Variants in CHCHD6 observed in about 807,000 individuals in gnomAD.
CHCHD6 encodes MICOS complex subunit MIC25.
A neutral mutation model predicts 32.3 loss-of-function variants in CHCHD6; 28 were observed. That is an observed-to-expected ratio of 0.87 (90% CI 0.64 to 1.19). The LOEUF (loss-of-function observed/expected upper bound fraction) is 1.19. Ranked by LOEUF, CHCHD6 falls within the 50% of genes most tolerant of loss-of-function variation. The probability of loss-of-function intolerance (pLI) is 0.00; values close to 1 mark genes in which losing one functional copy is unlikely to be tolerated. For synonymous variants in CHCHD6, 122 were observed against 117.5 expected, an observed-to-expected ratio of 1.04 and a Z score of -0.25; for missense variants, 333 against 307.0, an observed-to-expected ratio of 1.08 and a Z score of -0.63.
At chr3:126,768,827 G>A (rs1937481274) in intron 4 of CHCHD6, among the ~76,000 whole-genome samples, 2 of 152,086 alleles carry the variant, frequency 1.3e-5, no homozygotes, top group Non-Finnish European at 2.9e-5. Flanking sequence ...GTGATGTTGA[G>A]CATTTTTTCA....
chr3:126,920,039 C>T (rs1027197142), intron 6 of CHCHD6, among the ~76,000 whole-genome samples: 1 of 151,612 alleles, frequency 6.6e-6, no homozygotes, highest in East Asian at 1.9e-4. Flanking sequence ...GTCTCTTGTT[C>T]TTTTTTCTGG....
At chr3:126,837,736 G>A (rs1287236210) in intron 4 of CHCHD6, among the ~76,000 whole-genome samples, 1 of 152,150 alleles carries the variant, frequency 6.6e-6, no homozygotes, top group African/African-American at 2.4e-5. Flanking sequence ...GTTTTGTCAT[G>A]ACCAAGATTA....
intron 1 of CHCHD6, among the ~76,000 whole-genome samples, chr3:126,718,848 C>T (rs183095455): frequency 3.2e-4 from 49 of 152,318 alleles, no homozygotes; most frequent in Non-Finnish European, 6.5e-4. Flanking sequence ...GGTGTTTATT[C>T]TCACATGACT....
intron 5 of CHCHD6, among the ~76,000 whole-genome samples, chr3:126,869,361 AT>A (rs2077435492): frequency 7.0e-6 from 1 of 142,510 alleles, no homozygotes; most frequent in Non-Finnish European, 1.5e-5. Flanking sequence ...GTGGATGGAC[AT>A]TATGATTATT....
intron 5 of CHCHD6, among the ~76,000 whole-genome samples, chr3:126,887,526 C>CG (rs1436667567): frequency 6.6e-6 from 1 of 152,168 alleles, no homozygotes; most frequent in Non-Finnish European, 1.5e-5. Flanking sequence ...GCTTACTCCC[C>CG]CTAGCCCTGT....
rs887480530 is a variant in CHCHD6, at chr3:126,915,400, C to T, written c.566+650C>T. On this transcript the variant is annotated intron_variant, in intron 6 of 7. Transcript: ENST00000290913. ...TGTGCCCAGTACCAGTGTGGCTCTG[C>T]TCAGTCAATAGTACAGTTCCCTGGA... Among the ~76,000 whole-genome samples, 14 of 152,208 alleles carry T rather than the reference C, an allele frequency of 9.2e-5. No homozygotes were observed. In the South Asian group the frequency reaches 2.1e-3, roughly 22 times the overall value.
intron 4 of CHCHD6, among the ~76,000 whole-genome samples, chr3:126,796,924 G>A (rs1470663554): frequency 6.6e-6 from 1 of 152,172 alleles, no homozygotes; most frequent in African/African-American, 2.4e-5. Flanking sequence ...AGGGCCAGGA[G>A]GCCCTTAGGT....
rs73209648 is a variant in CHCHD6, at chr3:126,945,709, G to A, written c.567-11707G>A. The stretch of plus-strand genomic sequence containing the variant: ...GGGGAAGACTCAAGCGGGGAGACTC[G>A]GGGAGACTCGAGTAGGGAGACATGG... On this transcript the variant is annotated intron_variant, in intron 6 of 7. Transcript: ENST00000290913. 6.3e-3 allele frequency among the ~76,000 whole-genome samples: 915 copies of A among 145,402 alleles called. 5 individuals carry two copies. Among genetic ancestry groups the A allele is most frequent in the Non-Finnish European group, 0.011 (709 of 65,796 alleles).
intron 1 of CHCHD6, among the ~76,000 whole-genome samples, chr3:126,712,322 A>G (rs1375395430): frequency 1.3e-5 from 2 of 152,236 alleles, no homozygotes; most frequent in Admixed American, 6.5e-5. Context: ...CAATCTAAGT[A>G]GTACAAGAGT....
intron 4 of CHCHD6, among the ~76,000 whole-genome samples, chr3:126,761,332 T>C (rs1256884414): frequency 6.6e-6 from 1 of 152,224 alleles, no homozygotes; most frequent in Admixed American, 6.5e-5. Context: ...CATGGCATTC[T>C]TCCCTCTGTG....
intron 1 of CHCHD6, among the ~76,000 whole-genome samples, chr3:126,707,436 C>G (rs959405989): frequency 1.3e-5 from 2 of 152,108 alleles, no homozygotes; most frequent in African/African-American, 2.4e-5. Context: ...GTGTGAAATA[C>G]GTAAAGATTT....
intron 4 of CHCHD6, among the ~76,000 whole-genome samples, chr3:126,839,854 T>C (rs899118424): frequency 2.6e-5 from 4 of 152,174 alleles, no homozygotes; most frequent in Admixed American, 1.3e-4. Flanking sequence ...ATTTCCATGG[T>C]TTTTAGTGTG....
At chr3:126,886,129 A>G (rs994526152) in intron 5 of CHCHD6, among the ~76,000 whole-genome samples, 37 of 152,202 alleles carry the variant, frequency 2.4e-4, no homozygotes, top group African/African-American at 8.4e-4. Context: ...TTAAGTGCAA[A>G]ACACACTTGA....
intron 4 of CHCHD6, among the ~76,000 whole-genome samples, chr3:126,840,957 ATATG>A (rs1941049974): frequency 6.6e-6 from 1 of 152,038 alleles, no homozygotes; most frequent in Non-Finnish European, 1.5e-5. Context: ...GGTTAGTTAC[ATATG>A]TATACATGTG....
intron 5 of CHCHD6, among the ~76,000 whole-genome samples, chr3:126,889,804 A>G (rs1262479906): frequency 6.6e-6 from 1 of 152,198 alleles, no homozygotes; most frequent in Admixed American, 6.5e-5. Flanking sequence ...GCCTGTTGCC[A>G]CAGCAACCCC....
intron 6 of CHCHD6, chr3:126,949,761 G>A (rs1297379683): frequency 5.5e-6 from 1 of 182,062 alleles, no homozygotes; most frequent in Non-Finnish European, 1.2e-5. Context: ...GAAGGGTGCA[G>A]ATTGTCTTGG....
At chr3:126,920,703 C>T (rs577703965) in intron 6 of CHCHD6, among the ~76,000 whole-genome samples, 7 of 152,342 alleles carry the variant, frequency 4.6e-5, no homozygotes, top group Middle Eastern at 6.8e-3. Context: ...CAGGCAGCCT[C>T]CACAGGAGCG....
intron 4 of CHCHD6, among the ~76,000 whole-genome samples, chr3:126,776,987 A>G (rs1937678453): frequency 6.6e-6 from 1 of 151,812 alleles, no homozygotes; most frequent in African/African-American, 2.4e-5. Context: ...CCTCTTCATT[A>G]TTGCCTCCCT....
intron 1 of CHCHD6, among the ~76,000 whole-genome samples, chr3:126,714,814 A>T (rs1158701426): frequency 6.6e-6 from 1 of 152,088 alleles, no homozygotes; most frequent in Admixed American, 6.5e-5. Context: ...CCCACTGTAT[A>T]ACTTTGGGAA....
Sources: allele counts gnomAD v4.1 joint callset (sites outside exome capture counted in the v4.1 genomes callset), GRCh38; gene constraint gnomAD v4.1.1; transcripts MANE v1.5; gene names NCBI Gene and HGNC (gene_info 2026-07-23, HGNC 2026-07-21).